MTSS1: variants seen among roughly 807,000 people sequenced by gnomAD.
The protein encoded by MTSS1 is protein MTSS 1.
Under a neutral mutation model 79.0 loss-of-function variants are expected in MTSS1, and 18 were observed. The observed-to-expected ratio is 0.23, with a 90% CI of 0.16 to 0.34. MTSS1 has a LOEUF of 0.34. MTSS1 is among the 10% of genes least tolerant of loss of function. MTSS1 has a pLI of 1.00. For synonymous variants in MTSS1, 341 were observed against 368.6 expected, an observed-to-expected ratio of 0.93 and a Z score of 0.86; for missense variants, 815 against 986.2, an observed-to-expected ratio of 0.83 and a Z score of 2.33.
In MTSS1 at chr8:124,553,908, G is replaced by A. The variant is rs1823020147; in HGVS notation, c.1568-216C>T. Among the ~76,000 whole-genome samples the A allele has an allele frequency of 6.6e-6, 1 of 152,142 alleles. No homozygotes were observed. Among genetic ancestry groups the A allele is most frequent in the Admixed American group, 6.5e-5 (1 of 15,280 alleles). The stretch of plus-strand genomic sequence containing the variant: ...TTCACTGATGTGTCCCAAGTACCTA[G>A]AACAGTGCTGGACACGGTAGGCACT... On this transcript the variant is annotated intron_variant, in intron 13 of 13. Transcript: ENST00000518547. This position sits in a 1 kb window ranked among gnomAD's most constrained non-coding sequence, Gnocchi z 6.0.
At chr8:124,637,228 C>A (rs1199120223) in intron 3 of MTSS1, among the ~76,000 whole-genome samples, 2 of 152,242 alleles carry the variant, frequency 1.3e-5, no homozygotes, top group Middle Eastern at 6.8e-3. Context: ...ATGAAGAGCT[C>A]AAATAAGATG....
At chr8:124,698,699 A>G (rs973659375) in intron 3 of MTSS1, among the ~76,000 whole-genome samples, 6 of 151,884 alleles carry the variant, frequency 4.0e-5, no homozygotes, top group Admixed American at 6.6e-5. Flanking sequence ...TTTAGTAGAC[A>G]TGGGGTTTCG....
intron 6 of MTSS1, among the ~76,000 whole-genome samples, chr8:124,571,591 C>T (rs1410642440): frequency 1.3e-5 from 2 of 152,114 alleles, no homozygotes; most frequent in South Asian, 2.1e-4. Context: ...GAACAGAAGT[C>T]GGGAGACACC....
intron 3 of MTSS1, among the ~76,000 whole-genome samples, chr8:124,669,298 C>T (rs904995702): frequency 6.6e-6 from 1 of 152,152 alleles, no homozygotes; most frequent in Non-Finnish European, 1.5e-5. Context: ...AGGTGTCCAC[C>T]GTCTCGCTCC....
At chr8:124,606,405 T>A (rs1403599030) in intron 3 of MTSS1, among the ~76,000 whole-genome samples, 1 of 152,026 alleles carries the variant, frequency 6.6e-6, no homozygotes, top group Non-Finnish European at 1.5e-5. Context: ...TGCCTCAGCC[T>A]CCCAAAGTGC....
intron 8 of MTSS1, among the ~76,000 whole-genome samples, chr8:124,566,455 G>C (rs1826488083): frequency 5.9e-5 from 9 of 152,196 alleles, no homozygotes; most frequent in Admixed American, 5.9e-4. Flanking sequence ...GAGACGAAAA[G>C]ATTGTTACCA....
chr8:124,620,127 T>C (rs947054767), intron 3 of MTSS1, among the ~76,000 whole-genome samples: 9 of 152,016 alleles, frequency 5.9e-5, no homozygotes, highest in African/African-American at 2.2e-4. Context: ...TTATTTTTAG[T>C]AGAGATGGGG....
At chr8:124,689,257 G>A (rs569065900) in intron 3 of MTSS1, among the ~76,000 whole-genome samples, 1 of 152,218 alleles carries the variant, frequency 6.6e-6, no homozygotes, top group Admixed American at 6.5e-5. Flanking sequence ...CTTTTTCAAA[G>A]GGAGCACAGA....
intron 3 of MTSS1, among the ~76,000 whole-genome samples, chr8:124,644,639 G>T (rs561761154): frequency 6.6e-6 from 1 of 152,236 alleles, no homozygotes; most frequent in Non-Finnish European, 1.5e-5. Flanking sequence ...TCCACTTCAG[G>T]TCCCTTGAGC....
At position 124,692,241 on chromosome 8, in the gene MTSS1, G is replaced by A. The variant is rs181559215; in HGVS notation, c.208+7285C>T. On this transcript the variant is annotated intron_variant, in intron 3 of 13. Transcript: ENST00000518547. The stretch of plus-strand genomic sequence containing the variant: ...GCCAGGATCTCGCCATGTTGACCAG[G>A]CTGGTCTCTAACTCCTGACATCAAG... 2.0e-3 allele frequency among the ~76,000 whole-genome samples: 304 copies of A among 152,050 alleles called. 2 individuals carry two copies. The highest frequency in any genetic ancestry group is 7.1e-3 in the African/African-American group (293 of 41,462).
intron 3 of MTSS1, among the ~76,000 whole-genome samples, chr8:124,696,603 A>G (rs1828863607): frequency 6.6e-6 from 1 of 152,186 alleles, no homozygotes; most frequent in African/African-American, 2.4e-5. Flanking sequence ...CTGTAATCCC[A>G]GTACTTTGGA....
At chr8:124,623,759 C>A (rs1369971450) in intron 3 of MTSS1, among the ~76,000 whole-genome samples, 1 of 152,204 alleles carries the variant, frequency 6.6e-6, no homozygotes, top group Non-Finnish European at 1.5e-5. Flanking sequence ...CCTGCCTCAG[C>A]CTCCTGGGTA....
At chr8:124,581,093 G>C (rs969619400) in intron 6 of MTSS1, among the ~76,000 whole-genome samples, 1 of 152,178 alleles carries the variant, frequency 6.6e-6, no homozygotes, top group Non-Finnish European at 1.5e-5. Flanking sequence ...TGGAAAGTGA[G>C]AGAGTCAACT....
chr8:124,563,960 G>A (rs865835736), intron 9 of MTSS1, among the ~76,000 whole-genome samples: 3 of 151,888 alleles, frequency 2.0e-5, no homozygotes, highest in Non-Finnish European at 2.9e-5. Flanking sequence ...GTGAAACCCC[G>A]CCTCTGATAA....
chr8:124,583,237 C>T (rs1455177067), intron 6 of MTSS1, among the ~76,000 whole-genome samples: 1 of 152,150 alleles, frequency 6.6e-6, no homozygotes, highest in African/African-American at 2.4e-5. Context: ...TCTGTCAGGC[C>T]AATGTGCCCT....
intron 1 of MTSS1, among the ~76,000 whole-genome samples, chr8:124,715,337 TTC>T (rs567365842): frequency 3.7e-4 from 57 of 152,346 alleles, no homozygotes; most frequent in African/African-American, 1.2e-3. Context: ...TCTTTTCTTT[TTC>T]TCTTTCTTCT....
chr8:124,660,436 A>G (rs945831151), intron 3 of MTSS1, among the ~76,000 whole-genome samples: 13 of 119,338 alleles, frequency 1.1e-4, no homozygotes, highest in South Asian at 2.6e-4. Context: ...GCGCATGCAC[A>G]CACACACACA....
At chr8:124,560,486 C>G (rs1473409651) in intron 10 of MTSS1, among the ~76,000 whole-genome samples, 1 of 152,142 alleles carries the variant, frequency 6.6e-6, no homozygotes, top group African/African-American at 2.4e-5. Context: ...CATGTATTCT[C>G]AAATCTAAAA....
At chr8:124,682,535 G>A (rs1195573736) in intron 3 of MTSS1, among the ~76,000 whole-genome samples, 1 of 152,212 alleles carries the variant, frequency 6.6e-6, no homozygotes, top group East Asian at 1.9e-4. Context: ...CACGGAACAG[G>A]CAGGCTCTAG....
Sources: gnomAD v4.1 joint callset for allele counts (sites outside exome capture counted in the v4.1 genomes callset) on GRCh38, gnomAD v4.1.1 for gene constraint, Gnocchi (gnomAD v3.1) non-coding constraint, MANE v1.5 for transcripts, NCBI Gene and HGNC (gene_info 2026-07-23, HGNC 2026-07-21) for gene names.